The following SNX13 variants were observed in gnomAD, a reference collection of about 807,000 sequenced individuals.
SNX13 encodes the protein sorting nexin 13.
SNX13 carries 45 observed loss-of-function variants against 133.6 expected under a neutral mutation model. That is an observed-to-expected ratio of 0.34 (90% CI 0.27 to 0.43). The LOEUF is 0.43. Ranked by LOEUF, SNX13 falls within the 20% of genes least tolerant of loss-of-function variation. SNX13 has a pLI of 1.00. For missense variants in SNX13, 1,032 were observed against 1,145.1 expected, an observed-to-expected ratio of 0.90 and a Z score of 1.43; for synonymous variants, 414 against 373.9, an observed-to-expected ratio of 1.11 and a Z score of -1.24.
intron 1 of SNX13, among the ~76,000 whole-genome samples, chr7:17,929,358 T>C (rs927754953): frequency 3.3e-5 from 5 of 152,094 alleles, no homozygotes; most frequent in Non-Finnish European, 5.9e-5. Flanking sequence ...TATTATTATG[T>C]GAAAAGATAA....
At chr7:17,938,867 A>C (rs1476805353) in intron 1 of SNX13, among the ~76,000 whole-genome samples, 3 of 152,238 alleles carry the variant, frequency 2.0e-5, no homozygotes, top group Admixed American at 1.3e-4. Flanking sequence ...ATCACACTTA[A>C]GGTAAAAATG....
At chr7:17,923,016 A>C (rs1297914799) in intron 1 of SNX13, among the ~76,000 whole-genome samples, 1 of 152,206 alleles carries the variant, frequency 6.6e-6, no homozygotes, top group East Asian at 1.9e-4. Context: ...ATAATATTTT[A>C]TTTTTAGATA....
chr7:17,869,649 TATTTCCAAAAAGCACTAATGGA>T (rs1478567092), intron 8 of SNX13, among the ~76,000 whole-genome samples: 1 of 152,148 alleles, frequency 6.6e-6, no homozygotes, highest in Admixed American at 6.5e-5. Context: ...GATGAATCAG[TATTTCCAAAAAGCACTAATGGA>T]GGCACCAGTA....
At chr7:17,829,481 GT>G (rs1788243794) in intron 16 of SNX13, among the ~76,000 whole-genome samples, 3 of 151,434 alleles carry the variant, frequency 2.0e-5, no homozygotes, top group African/African-American at 7.3e-5. Flanking sequence ...CATTAAGGAT[GT>G]AGTTGCTGTA....
intron 1 of SNX13, among the ~76,000 whole-genome samples, chr7:17,923,689 G>A (rs1305695061): frequency 1.3e-5 from 2 of 152,092 alleles, no homozygotes; most frequent in Non-Finnish European, 2.9e-5. Flanking sequence ...GGAGAACAGA[G>A]AAACAAATAC....
At chr7:17,924,568 G>T (rs929193787) in intron 1 of SNX13, among the ~76,000 whole-genome samples, 2 of 152,088 alleles carry the variant, frequency 1.3e-5, no homozygotes, top group Non-Finnish European at 2.9e-5. Context: ...TTTCTCAAAA[G>T]GTTAAAGAAT....
At chr7:17,917,574 G>C (rs7789293) in intron 1 of SNX13, among the ~76,000 whole-genome samples, 1 of 151,488 alleles carries the variant, frequency 6.6e-6, no homozygotes, top group Non-Finnish European at 1.5e-5. Context: ...AAAATACCTA[G>C]GAATACAGCT....
chr7:17,794,366 A>G, intron 25 of SNX13, 74 bp from the exon 26 acceptor site: 1 of 1,508,944 alleles, frequency 6.6e-7, no homozygotes. Context: ...ATGTTCTTAA[A>G]TTAAGGTACA....
chr7:17,861,739 A>G (rs1490498217), intron 9 of SNX13, among the ~76,000 whole-genome samples: 1 of 152,192 alleles, frequency 6.6e-6, no homozygotes, highest in Non-Finnish European at 1.5e-5. Context: ...AGCCCACCCA[A>G]AGGGAAGAAT....
intron 1 of SNX13, among the ~76,000 whole-genome samples, chr7:17,939,817 C>T (rs985298562): frequency 2.0e-5 from 3 of 152,200 alleles, no homozygotes; most frequent in South Asian, 2.1e-4. Flanking sequence ...GGGTGGGAAA[C>T]AAACCGGTCG....
At chr7:17,866,598 T>G (rs1295137434) in intron 9 of SNX13, among the ~76,000 whole-genome samples, 1 of 152,192 alleles carries the variant, frequency 6.6e-6, no homozygotes, top group African/African-American at 2.4e-5. Flanking sequence ...AGGGACATTA[T>G]GTTAAGTCAA....
At position 17,796,904 on chromosome 7, in the gene SNX13, G is replaced by C; in HGVS notation, c.2549C>G (p.Ala850Gly). Reference protein sequence around the residue: ...AFWPNGILAEAVPCRDKSIRM... With the variant: ...AFWPNGILAEGVPCRDKSIRM... ...AATACTTTTATCTCTGCATGGAACA[G>C]CCTCTGCTAAAATGCCATTTGGCCA... is the stretch of plus-strand genomic sequence containing the variant. Residue 850 changes from alanine (A) to glycine (G), a missense_variant, in exon 25 of 26, where the codon GCT (alanine) becomes GGT (glycine). Transcript: ENST00000428135. 1 of 1,610,984 alleles carries C rather than the reference G, an allele frequency of 6.2e-7. No individual in the cohort carries two copies. The highest frequency in any genetic ancestry group is 8.5e-7 in the Non-Finnish European group (1 of 1,178,052).
chr7:17,898,664 GA>G (rs1464567341), intron 1 of SNX13, among the ~76,000 whole-genome samples: 1 of 152,076 alleles, frequency 6.6e-6, no homozygotes, highest in Non-Finnish European at 1.5e-5. Context: ...ATCACACGGG[GA>G]TAAGTGCTAT....
intron 13 of SNX13, among the ~76,000 whole-genome samples, chr7:17,839,026 G>T (rs1047196752): frequency 1.3e-5 from 2 of 149,492 alleles, no homozygotes; most frequent in African/African-American, 4.9e-5. Flanking sequence ...ATTGTTATTA[G>T]ATTAGAATTA....
Position 17,803,479 on chromosome 7 carries a change from T to C in SNX13, c.2166A>G (p.Ser722=). The C allele has an allele frequency of 6.2e-7, 1 of 1,612,734 alleles. No homozygotes were observed. The highest frequency in any genetic ancestry group is 8.5e-7 in the Non-Finnish European group (1 of 1,179,284). ...TTTCTGACATTTTGCCCATGTTGTC[T>C]GACATTTTAGTCATTCCCTCTGCCA... The part of the protein sequence containing the change: ...DSLAEGMTKM[S]DNMGKMSERL... Residue 722 remains serine, a synonymous_variant, in exon 21 of 26, where the codon TCA becomes TCG. Transcript: ENST00000428135.
intron 9 of SNX13, among the ~76,000 whole-genome samples, chr7:17,866,986 C>T (rs1424197732): frequency 6.6e-6 from 1 of 152,134 alleles, no homozygotes; most frequent in Non-Finnish European, 1.5e-5. Context: ...ATATGTACAA[C>T]TCTTACATAT....
rs188458708 is a variant in SNX13 at position 17,834,038 on chromosome 7, G to A, written c.1597+14C>T. The stretch of plus-strand genomic sequence containing the variant: ...TATATATGCATATTATGTGTAAAAT[G>A]GGTGCCACCTTACCTCCATCCCCAT... On this transcript the variant is annotated intron_variant, in intron 15 of 25. Coordinates refer to ENST00000428135, the MANE Select transcript of SNX13 (RefSeq NM_015132.5). 3.0e-4 allele frequency: 451 copies of A among 1,504,214 alleles called. No homozygotes were observed. The African/African-American group carries it at 5.0e-3, about 17-fold the overall frequency. 93.2% of individuals were successfully genotyped at this position (1,504,214 alleles called of 1,614,324 possible).
rs1486172328 is a variant in SNX13, at chr7:17,801,592, T to C, written c.2294A>G (p.Asp765Gly). ...CCAAGAATAAAATTAACTCACATTATCGTCAAGTTGAGCCGAAACTCGGCG... is the reference window on the plus strand; with the variant it reads ...CCAAGAATAAAATTAACTCACATTACCGTCAAGTTGAGCCGAAACTCGGCG... ...EHRRVSAQLD[D>G]NVDDNIPLRV... Residue 765 changes from aspartate (D) to glycine (G), a missense_variant, in exon 22 of 26, where the codon GAT (aspartate) becomes GGT (glycine). Asp to Gly is a moderately conservative substitution (Grantham distance 94, BLOSUM62 -1). Coordinates refer to ENST00000428135, the MANE Select transcript of SNX13 (RefSeq NM_015132.5). The C allele has an allele frequency of 2.5e-6, 4 of 1,606,250 alleles. No individual in the cohort carries two copies. The highest frequency in any genetic ancestry group is 3.4e-6 in the Non-Finnish European group (4 of 1,176,220).
intron 8 of SNX13, among the ~76,000 whole-genome samples, chr7:17,869,895 C>T (rs1691378989): frequency 6.6e-6 from 1 of 152,146 alleles, no homozygotes; most frequent in South Asian, 2.1e-4. Flanking sequence ...CACACACACA[C>T]ACACACACTT....
Sources: allele counts gnomAD v4.1 joint callset (sites outside exome capture counted in the v4.1 genomes callset), GRCh38; gene constraint gnomAD v4.1.1; transcripts MANE v1.5; gene names NCBI Gene and HGNC (gene_info 2026-07-23, HGNC 2026-07-21).